Variants in TRAK1 observed in about 807,000 individuals in gnomAD.
TRAK1 encodes the protein trafficking kinesin-binding protein 1.
Under a neutral mutation model 92.1 loss-of-function variants are expected in TRAK1, and 33 were observed. That is an observed-to-expected ratio of 0.36 (90% CI 0.27 to 0.48). The LOEUF (loss-of-function observed/expected upper bound fraction) is 0.48, where lower values mean the gene tolerates loss of function less well. Among genes scored for constraint, TRAK1 ranks in the 20% least tolerant of loss-of-function variants. The pLI, the probability that TRAK1 is intolerant of heterozygous loss-of-function variation, is 0.99. For missense variants in TRAK1, 1,123 were observed against 1,257.9 expected (o/e 0.89, Z 1.62); for synonymous variants, 521 against 517.3 (o/e 1.01, Z -0.10).
chr3:42,155,936 G>A (rs1164282855), intron 2 of TRAK1, among the ~76,000 whole-genome samples: 3 of 152,120 alleles, frequency 2.0e-5, no homozygotes, highest in Non-Finnish European at 2.9e-5. Context: ...ATGTGCCTCC[G>A]CCCTGCAAGA....
At chr3:42,155,762 T>A (rs898025083) in intron 2 of TRAK1, among the ~76,000 whole-genome samples, 3 of 152,226 alleles carry the variant, frequency 2.0e-5, no homozygotes, top group African/African-American at 7.2e-5. Flanking sequence ...ACTTGAGATA[T>A]GGCTAGTGTG....
intron 2 of TRAK1, among the ~76,000 whole-genome samples, chr3:42,158,806 A>AAAAT (rs1700874224): frequency 6.7e-6 from 1 of 149,236 alleles, no homozygotes; most frequent in Non-Finnish European, 1.5e-5. Flanking sequence ...AAAAAAAAAA[A>AAAAT]AAATTAGCCA....
In TRAK1 at chr3:42,174,571, A is replaced by G. The variant is rs187442005; in HGVS notation, c.287-2243A>G. 5.4e-3 allele frequency among the ~76,000 whole-genome samples: 822 copies of G among 151,424 alleles called. 14 individuals carry two copies. Among genetic ancestry groups the G allele is most frequent in the African/African-American group, 0.019 (783 of 41,290 alleles). On this transcript the variant is annotated intron_variant, in intron 2 of 15. Coordinates refer to ENST00000327628, the MANE Select transcript of TRAK1 (RefSeq NM_001042646.3). The stretch of plus-strand genomic sequence containing the variant: ...GCACGACTTCTGCCTCCCGGGTTCA[A>G]GTGATTCTCCTGCCTCAGCCTCCCG...
In TRAK1 at chr3:42,225,582, G is replaced by C. The variant is rs963902491; in HGVS notation, c.*1845G>C. On this transcript the variant is annotated 3_prime_UTR_variant, in exon 16 of 16. Transcript: ENST00000327628. ...GGACCATTTTATGTATTCAGAGAGA[G>C]AAGCCACTCATCATTGCCAGAAATA... is the stretch of plus-strand genomic sequence containing the variant. 5.9e-5 allele frequency: 9 copies of C among 152,218 alleles called. No individual in the cohort carries two copies. Among genetic ancestry groups the C allele is most frequent in the African/African-American group, 2.2e-4 (9 of 41,468 alleles). 9.4% of individuals were successfully genotyped at this position (152,218 alleles called of 1,614,324 possible).
chr3:42,155,198 G>T (rs1190490114), intron 2 of TRAK1, among the ~76,000 whole-genome samples: 1 of 152,044 alleles, frequency 6.6e-6, no homozygotes, highest in African/African-American at 2.4e-5. Context: ...AAACGGGTTT[G>T]GGATTCCTGC....
chr3:42,211,879 A>C, intron 14 of TRAK1: 6 of 985,468 alleles, frequency 6.1e-6, no homozygotes, highest in Non-Finnish European at 7.2e-6. Flanking sequence ...TTTATAGTTG[A>C]AACTGTAGAA....
intron 14 of TRAK1, 98 bp from the exon 15 acceptor site, chr3:42,219,396 T>G (rs769619482): frequency 6.2e-6 from 10 of 1,601,016 alleles, no homozygotes; most frequent in Non-Finnish European, 8.5e-6. Context: ...ACAAGGTAGC[T>G]CATCACTTCT....
chr3:42,029,644 G>A (rs574620872), intron 1 of TRAK1, among the ~76,000 whole-genome samples: 4 of 149,906 alleles, frequency 2.7e-5, no homozygotes, highest in Admixed American at 6.7e-5. Flanking sequence ...CTGCCTCCCC[G>A]GTTCAAGTGA....
chr3:42,170,726 A>G (rs954255550), intron 2 of TRAK1, among the ~76,000 whole-genome samples: 3 of 152,202 alleles, frequency 2.0e-5, no homozygotes, highest in Admixed American at 1.3e-4. Flanking sequence ...TTTCTTGATA[A>G]AACTTTGGGA....
At chr3:42,163,902 A>G (rs889608692) in intron 2 of TRAK1, among the ~76,000 whole-genome samples, 1 of 152,212 alleles carries the variant, frequency 6.6e-6, no homozygotes, top group Non-Finnish European at 1.5e-5. Context: ...CAGTATTTTT[A>G]GGACAGTAAC....
At position 42,070,318 on chromosome 3, in the gene TRAK1, A is replaced by T. The variant is rs563381268; in HGVS notation, c.-518-16786A>T. Among the ~76,000 whole-genome samples the T allele has an allele frequency of 4.5e-3, 666 of 149,576 alleles. 9 individuals carry two copies. Among genetic ancestry groups the T allele is most frequent in the South Asian group, 6.1e-3 (29 of 4,768 alleles). ...TAATTATAAATAATTAATATAATTA[A>T]TTGCCAGTTTGACAGATAACATGAT... On this transcript the variant is annotated intron_variant, in intron 1 of 16. Transcript: ENST00000487159.
intron 5 of TRAK1, 84 bp downstream of exon 5, chr3:42,188,229 C>A: frequency 7.7e-7 from 1 of 1,292,076 alleles, no homozygotes; most frequent in Non-Finnish European, 1.1e-6. Flanking sequence ...TAGACAGGGT[C>A]ACCTTCAGCA....
At chr3:42,082,666 A>C (rs1387362652), upstream of TRAK1, among the ~76,000 whole-genome samples, 2 of 152,066 alleles carry the variant, frequency 1.3e-5, no homozygotes, top group East Asian at 1.9e-4. Flanking sequence ...TAAAAAAAAA[A>C]ACACAAAAAA....
intron 7 of TRAK1, 87 bp from the exon 8 acceptor site, chr3:42,192,988 T>A: frequency 6.5e-7 from 1 of 1,547,092 alleles, no homozygotes; most frequent in East Asian, 2.3e-5. Context: ...TGGTTTTTCT[T>A]GTGCAAACCA....
intron 2 of TRAK1, among the ~76,000 whole-genome samples, chr3:42,146,743 A>G (rs969646334): frequency 1.3e-5 from 2 of 152,026 alleles, no homozygotes; most frequent in African/African-American, 2.4e-5. Flanking sequence ...TTTTGTAGAG[A>G]TGAGATTTGG....
chr3:42,161,836 A>AGG (rs1559855155), intron 2 of TRAK1, among the ~76,000 whole-genome samples: 1 of 151,750 alleles, frequency 6.6e-6, no homozygotes, highest in Non-Finnish European at 1.5e-5. Context: ...GGGAGGGGAG[A>AGG]GGAGTGACGG....
At position 42,223,813 on chromosome 3, in the gene TRAK1, C is replaced by T. The variant is rs1037829852; in HGVS notation, c.*76C>T. 14 of 1,480,402 alleles carry T rather than the reference C, an allele frequency of 9.5e-6. No homozygotes were observed. The South Asian group carries it at 1.5e-4, about 16-fold the overall frequency. The allele number at this position is 1,480,402 out of a possible 1,614,324, so 91.7% of individuals were successfully genotyped here. A position where few individuals can be genotyped will look rare whatever the true frequency, so the allele number is the denominator to read the frequency against. On this transcript the variant is annotated 3_prime_UTR_variant, in exon 16 of 16. Transcript: ENST00000327628. The surrounding 1 kb of genome is among the most constrained non-coding windows in gnomAD (Gnocchi z 6.1). ...TGCTCCCACCTCCCTCTCTTCCCCC[C>T]ACAGTGCACTCCCTCCCTCTGCCCT...
intron 14 of TRAK1, chr3:42,218,436 G>A (rs755300848): frequency 1.3e-5 from 13 of 983,636 alleles, no homozygotes; most frequent in Non-Finnish European, 1.6e-5. Flanking sequence ...CTGCTACAGG[G>A]GCAGAGGGTG....
Position 42,184,819 on chromosome 3 carries a change from G to C in TRAK1, c.480+18G>C. On this transcript the variant is annotated intron_variant, in intron 4 of 15. Transcript: ENST00000327628. ...GGGAGGAGGTAAGACATTGGAGGCCGAGGCTTCCAGAGGGGCCCGCCACAG... is the reference window on the plus strand; with the variant it reads ...GGGAGGAGGTAAGACATTGGAGGCCCAGGCTTCCAGAGGGGCCCGCCACAG... 6.2e-7 allele frequency: 1 copy of C among 1,600,848 alleles called. No individual in the cohort carries two copies. The highest frequency in any genetic ancestry group is 8.5e-7 in the Non-Finnish European group (1 of 1,170,152).
Sources: allele counts gnomAD v4.1 joint callset (sites outside exome capture counted in the v4.1 genomes callset), GRCh38; gene constraint gnomAD v4.1.1; non-coding constraint Gnocchi (gnomAD v3.1); transcripts MANE v1.5; gene names NCBI Gene and HGNC (gene_info 2026-07-23, HGNC 2026-07-21).